Variants in ZFP62 observed in about 807,000 individuals in gnomAD.
The protein encoded by ZFP62 is ZFP62 zinc finger protein, also known as zinc finger protein 62 homolog.
Under a neutral mutation model 56.4 loss-of-function variants are expected in ZFP62, and 44 were observed. That is an observed-to-expected ratio of 0.78 (90% confidence interval 0.61 to 1.00). The LOEUF (loss-of-function observed/expected upper bound fraction) is 1.00, where lower values mean the gene tolerates loss of function less well. Among genes scored for constraint, ZFP62 ranks in the 50% least tolerant of loss-of-function variants. ZFP62 has a pLI of 0.00. For synonymous variants in ZFP62, 421 were observed against 388.9 expected (o/e 1.08, Z -0.97); for missense variants, 1,030 against 1,085.7 (o/e 0.95, Z 0.72).
intron 1 of ZFP62, among the ~76,000 whole-genome samples, chr5:180,857,412 C>T (rs929177853): frequency 2.6e-5 from 4 of 152,186 alleles, no homozygotes; most frequent in African/African-American, 7.2e-5. Context: ...CAGCAGTGTG[C>T]CCACCTCTGT....
chr5:180,831,833 C>T, the ZFP62 span: 1 of 152,634 alleles, frequency 6.6e-6, no homozygotes, highest in Admixed American at 6.5e-5. Context: ...CAGACTCCAC[C>T]TGGAACTTTC....
chr5:180,849,404 G>A lies in ZFP62; in HGVS notation c.2091C>T (p.Gly697=), dbSNP rs1481240275. Residue 697 remains glycine, a synonymous_variant, in exon 2 of 2, where the codon GGC becomes GGT. Coordinates refer to ENST00000502412, the MANE Select transcript of ZFP62 (RefSeq NM_001172638.2). ...SLINHKSTHP[G]RTPHTCDECG... ...ATTCATCACATGTATGGGGTGTCCT[G>A]CCAGGGTGGGTACTCTTATGGTTAA... The A allele has an allele frequency of 6.4e-7, 1 of 1,551,128 alleles. No homozygotes were observed.
chr5:180,843,227 G>A (rs948270318), downstream of ZFP62, among the ~76,000 whole-genome samples: 1 of 151,816 alleles, frequency 6.6e-6, no homozygotes, highest in African/African-American at 2.4e-5. Context: ...TGTCTAGGAC[G>A]AAGATAAAAG....
the ZFP62 span, among the ~76,000 whole-genome samples, chr5:180,840,628 C>T: frequency 2.8e-4 from 43 of 151,812 alleles, no homozygotes; most frequent in Non-Finnish European, 4.6e-4. Flanking sequence ...ATGTGGTGGG[C>T]GCCTGTAATC....
intron 1 of ZFP62, among the ~76,000 whole-genome samples, chr5:180,859,198 A>C (rs1774170515): frequency 6.6e-6 from 1 of 152,216 alleles, no homozygotes; most frequent in East Asian, 1.9e-4. Context: ...GCAGAGTCCA[A>C]CCATATTCCA....
intron 1 of ZFP62, among the ~76,000 whole-genome samples, chr5:180,858,257 C>CAAAAAAAAAAAAAAAA (rs1159409435): frequency 2.5e-5 from 1 of 40,268 alleles, no homozygotes; most frequent in African/African-American, 8.1e-5. Context: ...AACTCTGTCT[C>CAAAAAAAAAAAAAAAA]AAAAAAAAAA....
chr5:180,837,303 G>A, the ZFP62 span, among the ~76,000 whole-genome samples: 1 of 152,098 alleles, frequency 6.6e-6, no homozygotes, highest in African/African-American at 2.4e-5. Context: ...TATTCACTGC[G>A]TGTGACATCA....
rs898730291 is a variant in ZFP62, at chr5:180,848,625, C to G, written c.*167G>C. 7.3e-7 allele frequency: 1 copy of G among 1,363,056 alleles called. No homozygotes were observed. The highest frequency in any genetic ancestry group is 1.4e-5 in the African/African-American group (1 of 68,996). 84.4% of individuals were successfully genotyped at this position (1,363,056 alleles called of 1,614,324 possible). On this transcript the variant is annotated 3_prime_UTR_variant, in exon 2 of 2. Transcript: ENST00000502412. ...GAGCTGAACTACCTTGACACTGGAG[C>G]CTTTCTTGCTTGCTATGATTGAAAA...
chr5:180,846,484 A>G (rs963440008), downstream of ZFP62, among the ~76,000 whole-genome samples: 2 of 152,200 alleles, frequency 1.3e-5, no homozygotes, highest in African/African-American at 4.8e-5. Flanking sequence ...TGTCCCCACG[A>G]CTACGGGGAA....
the ZFP62 span, chr5:180,830,939 A>C: frequency 1.3e-5 from 2 of 152,312 alleles, no homozygotes; most frequent in South Asian, 4.1e-4. Context: ...ACAAAAGCAG[A>C]CTAGGGCGGG....
the ZFP62 span, among the ~76,000 whole-genome samples, chr5:180,832,311 C>G: frequency 6.6e-6 from 1 of 152,140 alleles, no homozygotes; most frequent in Non-Finnish European, 1.5e-5. Context: ...CACCAGCATG[C>G]CTGGCTAATT....
chr5:180,850,171 T>C lies in ZFP62; in HGVS notation c.1324A>G (p.Ile442Val), dbSNP rs1422996389. 18 of 1,551,716 alleles carry C rather than the reference T, an allele frequency of 1.2e-5. No homozygotes were observed. Among genetic ancestry groups the C allele is most frequent in the South Asian group, 2.4e-5 (2 of 84,074 alleles). ...YNSLLLQHRT[I>V]HTGERPYVCD... ...ACATAAGGTCTCTCTCCGGTATGAA[T>C]AGTTCTGTGTTGAAGAAGTAGTGAG... is the stretch of plus-strand genomic sequence containing the variant. Residue 442 changes from isoleucine (I) to valine (V), a missense_variant, in exon 2 of 2, where the codon ATT (isoleucine) becomes GTT (valine). Coordinates refer to ENST00000502412, the MANE Select transcript of ZFP62 (RefSeq NM_001172638.2).
chr5:180,838,951 G>T, the ZFP62 span, among the ~76,000 whole-genome samples: 2 of 152,138 alleles, frequency 1.3e-5, no homozygotes, highest in African/African-American at 4.8e-5. Flanking sequence ...ATACAGGAGA[G>T]AAAAATGTAT....
chr5:180,841,135 A>C, the ZFP62 span, among the ~76,000 whole-genome samples: 1 of 152,148 alleles, frequency 6.6e-6, no homozygotes, highest in African/African-American at 2.4e-5. Flanking sequence ...ACTATTAGCA[A>C]ATAGCTAACC....
At chr5:180,854,034 T>C (rs1307489189) in intron 1 of ZFP62, among the ~76,000 whole-genome samples, 3 of 152,234 alleles carry the variant, frequency 2.0e-5, no homozygotes, top group Non-Finnish European at 2.9e-5. Context: ...TATTTCCTGA[T>C]TTCCTAGTTC....
the ZFP62 span, among the ~76,000 whole-genome samples, chr5:180,833,396 G>A: frequency 2.7e-5 from 4 of 150,104 alleles, no homozygotes; most frequent in African/African-American, 9.8e-5. Flanking sequence ...GGAGAATGGT[G>A]TAAACCTGGG....
Position 180,861,225 on chromosome 5 carries a change from T to G in ZFP62, c.-6A>C. ...CGGCCGCGGACTCACGTACTGGCTG[T>G]GGCGGCGCCGCGGGAACCCGGCCGC... On this transcript the variant is annotated 5_prime_UTR_variant, in exon 1 of 2. Coordinates refer to ENST00000502412, the MANE Select transcript of ZFP62 (RefSeq NM_001172638.2). 2 of 398,136 alleles carry G rather than the reference T, an allele frequency of 5.0e-6. No individual in the cohort carries two copies. The highest frequency in any genetic ancestry group is 8.9e-6 in the Non-Finnish European group (2 of 225,732). 24.7% of individuals were successfully genotyped at this position (398,136 alleles called of 1,614,324 possible).
chr5:180,827,619 G>A, the ZFP62 span, among the ~76,000 whole-genome samples: 1 of 152,326 alleles, frequency 6.6e-6, no homozygotes, highest in African/African-American at 2.4e-5. Context: ...TTCTCCCCAT[G>A]TGATAGTCTG....
chr5:180,848,461 T>G lies in ZFP62; in HGVS notation c.*331A>C. On this transcript the variant is annotated 3_prime_UTR_variant, in exon 2 of 2. Coordinates refer to ENST00000502412, the MANE Select transcript of ZFP62 (RefSeq NM_001172638.2). ...CAAACATGAACTTTCTGATGGTGAT[T>G]ACGTAACTTCTAATTGAAGCCCTTT... 9.6e-7 allele frequency: 1 copy of G among 1,040,816 alleles called. No homozygotes were observed. The highest frequency in any genetic ancestry group is 1.2e-6 in the Non-Finnish European group (1 of 865,948). The allele number at this position is 1,040,816 out of a possible 1,614,324, so 64.5% of individuals were successfully genotyped here.
Sources: allele counts gnomAD v4.1 joint callset (sites outside exome capture counted in the v4.1 genomes callset), GRCh38; gene constraint gnomAD v4.1.1; transcripts MANE v1.5; gene names NCBI Gene and HGNC (gene_info 2026-07-23, HGNC 2026-07-21).